NRXN1: variants seen among roughly 807,000 people sequenced by gnomAD.
The protein encoded by NRXN1 is neurexin 1.
NRXN1 carries 39 observed loss-of-function variants against 150.9 expected under a neutral mutation model. That is an observed-to-expected ratio of 0.26 (90% CI 0.20 to 0.34). The LOEUF (loss-of-function observed/expected upper bound fraction) is 0.34. Ranked by LOEUF, NRXN1 falls within the 10% of genes least tolerant of loss-of-function variation. The probability of loss-of-function intolerance (pLI) is 1.00; values close to 1 mark genes in which losing one functional copy is unlikely to be tolerated. For synonymous variants in NRXN1, 924 were observed against 757.0 expected (o/e 1.22, Z -3.62); for missense variants, 1,815 against 1,949.9 (o/e 0.93, Z 1.30).
intron 18 of NRXN1, among the ~76,000 whole-genome samples, chr2:50,156,813 T>A (rs528020339): frequency 3.3e-5 from 5 of 151,966 alleles, no homozygotes; most frequent in Non-Finnish European, 7.4e-5. Flanking sequence ...ACAACCACAG[T>A]ACTGCTATTG....
At chr2:50,419,697 T>C (rs902305364) in intron 17 of NRXN1, among the ~76,000 whole-genome samples, 24 of 152,000 alleles carry the variant, frequency 1.6e-4, no homozygotes, top group Admixed American at 5.3e-4. Context: ...TTGAGTAAAT[T>C]GGAAATACTT....
At chr2:50,630,416 C>T (rs1180519010) in intron 5 of NRXN1, among the ~76,000 whole-genome samples, 1 of 151,636 alleles carries the variant, frequency 6.6e-6, no homozygotes, top group Non-Finnish European at 1.5e-5. Context: ...CAGGACAATG[C>T]TCCTTTGCAT....
chr2:50,999,467 C>T (rs563612025), intron 2 of NRXN1, among the ~76,000 whole-genome samples: 1 of 152,084 alleles, frequency 6.6e-6, no homozygotes, highest in African/African-American at 2.4e-5. Flanking sequence ...TGCACATCTT[C>T]TATGTGACAA....
chr2:50,735,305 A>G (rs1698602893), intron 5 of NRXN1, among the ~76,000 whole-genome samples: 3 of 152,118 alleles, frequency 2.0e-5, no homozygotes, highest in African/African-American at 7.2e-5. Flanking sequence ...TTATTTTTAT[A>G]ATGCACTTAA....
At chr2:50,936,893 A>G (rs951045799) in intron 2 of NRXN1, among the ~76,000 whole-genome samples, 1 of 152,144 alleles carries the variant, frequency 6.6e-6, no homozygotes, top group African/African-American at 2.4e-5. Flanking sequence ...ATAAATTGTC[A>G]GGAACAAAAA....
intron 8 of NRXN1, chr2:50,616,417 G>A (rs2104180647): frequency 6.6e-6 from 1 of 152,188 alleles, no homozygotes; most frequent in South Asian, 2.1e-4. Context: ...TGCCATATAG[G>A]GAAAGACCTA....
At chr2:50,882,371 T>G (rs1464667446) in intron 5 of NRXN1, among the ~76,000 whole-genome samples, 2 of 151,916 alleles carry the variant, frequency 1.3e-5, no homozygotes, top group Non-Finnish European at 2.9e-5. Flanking sequence ...CTACTATTTT[T>G]CAGGTATTTT....
At chr2:50,221,319 G>A (rs1333065808) in intron 18 of NRXN1, among the ~76,000 whole-genome samples, 2 of 152,012 alleles carry the variant, frequency 1.3e-5, no homozygotes, top group African/African-American at 4.8e-5. Context: ...GGGGCTGCCT[G>A]CTGCTCAGTA....
chr2:50,853,801 A>T (rs1405709008), intron 5 of NRXN1, among the ~76,000 whole-genome samples: 1 of 152,126 alleles, frequency 6.6e-6, no homozygotes, highest in Non-Finnish European at 1.5e-5. Context: ...TTTCTTTAAT[A>T]TGTAAGTCAA....
intron 17 of NRXN1, among the ~76,000 whole-genome samples, chr2:50,321,727 T>A (rs1310810373): frequency 6.6e-6 from 1 of 152,162 alleles, no homozygotes; most frequent in Non-Finnish European, 1.5e-5. Flanking sequence ...ACTTCACTTT[T>A]CATTAGATTT....
At chr2:50,905,141 G>A (rs1284255049) in intron 5 of NRXN1, among the ~76,000 whole-genome samples, 7 of 151,730 alleles carry the variant, frequency 4.6e-5, no homozygotes, top group African/African-American at 9.7e-5. Flanking sequence ...TTATCTTAAC[G>A]TTTTAAACAA....
At chr2:50,351,523 T>C (rs539384351) in intron 17 of NRXN1, among the ~76,000 whole-genome samples, 12 of 152,286 alleles carry the variant, frequency 7.9e-5, no homozygotes, top group African/African-American at 2.2e-4. Flanking sequence ...TGTGAAATTA[T>C]TAATAGGCAA....
At chr2:50,736,436 C>T (rs1179095390) in intron 5 of NRXN1, among the ~76,000 whole-genome samples, 5 of 152,102 alleles carry the variant, frequency 3.3e-5, no homozygotes, top group East Asian at 1.9e-4. Context: ...AGTGTCTTTA[C>T]GCTTCACAAG....
At chr2:50,001,044 G>T (rs1325513147) in intron 21 of NRXN1, among the ~76,000 whole-genome samples, 3 of 152,100 alleles carry the variant, frequency 2.0e-5, no homozygotes, top group Non-Finnish European at 4.4e-5. Flanking sequence ...TTGCTCAAAA[G>T]GAAAGAGAGA....
At chr2:51,009,172 C>G (rs1667473516) in intron 2 of NRXN1, 1 of 151,908 alleles carries the variant, frequency 6.6e-6, no homozygotes, top group Non-Finnish European at 1.5e-5. Context: ...GTTGGGACTT[C>G]AGACCAATGG....
chr2:50,469,351 G>A (rs573447069), intron 16 of NRXN1, among the ~76,000 whole-genome samples: 1 of 151,614 alleles, frequency 6.6e-6, no homozygotes, highest in African/African-American at 2.4e-5. Context: ...GAAATAAAAG[G>A]CAACAAGTGA....
At chr2:50,196,079 T>C (rs1356611862) in intron 18 of NRXN1, among the ~76,000 whole-genome samples, 2 of 152,100 alleles carry the variant, frequency 1.3e-5, no homozygotes, top group African/African-American at 4.8e-5. Flanking sequence ...CAACTAGGTA[T>C]TAGGCCCAAC....
At chr2:50,419,686 T>C (rs540883764) in intron 17 of NRXN1, among the ~76,000 whole-genome samples, 1 of 152,078 alleles carries the variant, frequency 6.6e-6, no homozygotes, top group East Asian at 1.9e-4. Flanking sequence ...CATACAATAG[T>C]TTGAGTAAAT....
At chr2:51,005,157 T>C (rs1700554680) in intron 2 of NRXN1, among the ~76,000 whole-genome samples, 1 of 151,998 alleles carries the variant, frequency 6.6e-6, no homozygotes, top group Non-Finnish European at 1.5e-5. Flanking sequence ...GATATTCCTC[T>C]GGTAACTCTC....
Sources: gnomAD v4.1 joint callset for allele counts (sites outside exome capture counted in the v4.1 genomes callset) on GRCh38, gnomAD v4.1.1 for gene constraint, MANE v1.5 for transcripts, NCBI Gene and HGNC (gene_info 2026-07-23, HGNC 2026-07-21) for gene names.